PDZK1: variants seen among roughly 807,000 people sequenced by gnomAD.
PDZK1 encodes the protein PDZ domain containing 1, also known as Na(+)/H(+) exchange regulatory cofactor NHE-RF3.
Under a neutral mutation model 38.1 loss-of-function variants are expected in PDZK1, and 23 were observed. The observed-to-expected ratio is 0.60, with a 90% CI of 0.43 to 0.85. PDZK1 has a LOEUF of 0.85. Among genes scored for constraint, PDZK1 ranks in the 40% least tolerant of loss-of-function variants. The pLI, the probability that PDZK1 is intolerant of heterozygous loss-of-function variation, is 0.00. For missense variants in PDZK1, 297 were observed against 504.3 expected (o/e 0.59, Z 3.94); for synonymous variants, 98 against 186.2 (o/e 0.53, Z 3.86).
At chr1:145,689,115 G>A (rs782772504) in intron 1 of PDZK1, among the ~76,000 whole-genome samples, 2 of 152,268 alleles carry the variant, frequency 1.3e-5, no homozygotes, top group African/African-American at 4.8e-5. Context: ...CCTCCCAGAC[G>A]CTTTGTCACC....
At chr1:145,706,231 C>A (rs1191416540) in intron 1 of PDZK1, among the ~76,000 whole-genome samples, 1 of 152,198 alleles carries the variant, frequency 6.6e-6, no homozygotes, top group Non-Finnish European at 1.5e-5. Context: ...GTTCTTTCCC[C>A]TGGGGGAGAA....
At chr1:145,689,838 A>T (rs1185634652) in intron 1 of PDZK1, among the ~76,000 whole-genome samples, 3 of 152,164 alleles carry the variant, frequency 2.0e-5, no homozygotes, top group African/African-American at 7.2e-5. Context: ...TGGTGATTGA[A>T]GATAGCCATC....
intron 1 of PDZK1, among the ~76,000 whole-genome samples, chr1:145,689,963 T>A (rs1382583567): frequency 6.6e-6 from 1 of 152,070 alleles, no homozygotes; most frequent in South Asian, 2.1e-4. Context: ...ACGCCACCAG[T>A]GGCACGAGTG....
chr1:145,680,267 C>T (rs1488854684), intron 5 of PDZK1, among the ~76,000 whole-genome samples: 1 of 152,018 alleles, frequency 6.6e-6, no homozygotes, highest in Non-Finnish European at 1.5e-5. Flanking sequence ...TTTTACAAAA[C>T]ACAAACCAAA....
chr1:145,699,664 T>C (rs1453710562), intron 1 of PDZK1, among the ~76,000 whole-genome samples: 1 of 152,174 alleles, frequency 6.6e-6, no homozygotes, highest in East Asian at 1.9e-4. Context: ...AAAAGATCTT[T>C]AGAGCAGAAT....
At chr1:145,692,686 G>A (rs1319974412) in intron 1 of PDZK1, among the ~76,000 whole-genome samples, 1 of 148,144 alleles carries the variant, frequency 6.8e-6, no homozygotes, top group Non-Finnish European at 1.5e-5. Flanking sequence ...ACTCCAGCTC[G>A]ACAACAGTGA....
chr1:145,705,383 A>C (rs1656190249), intron 1 of PDZK1, among the ~76,000 whole-genome samples: 1 of 152,122 alleles, frequency 6.6e-6, no homozygotes, highest in African/African-American at 2.4e-5. Context: ...GAGCCACTGC[A>C]CCCAGCCCAA....
In PDZK1 at chr1:145,672,927, C is replaced by T. The variant is rs1553698378; in HGVS notation, c.1309G>A (p.Glu437Lys). The change falls in exon 8 of 9, where the codon GAG (glutamate) becomes AAG (lysine). Residue 437 changes from glutamate to lysine, a missense_variant. By Grantham distance (56) the Glu-to-Lys change is moderately conservative. This residue lies in a region of PDZK1 where 49 missense variants were observed against 135.6 expected (regional missense o/e 0.36). Coordinates refer to ENST00000417171, the MANE Select transcript of PDZK1 (RefSeq NM_001201325.2). Reference sequence around the variant, plus strand: ...CTCTGGATTCTATCCACCACCTTCTCATAGGGTTCATCTAGCACATTCACC... The same window carrying T: ...CTCTGGATTCTATCCACCACCTTCTTATAGGGTTCATCTAGCACATTCACC... ...NGVNVLDEPY[E>K]KVVDRIQSSG... is the part of the protein sequence containing the mutation. The T allele has an allele frequency of 6.3e-7, 1 of 1,598,572 alleles. No homozygotes were observed. Among genetic ancestry groups the T allele is most frequent in the Admixed American group, 1.7e-5 (1 of 59,764 alleles).
At chr1:145,691,254 T>C (rs1655215183) in intron 1 of PDZK1, among the ~76,000 whole-genome samples, 1 of 152,210 alleles carries the variant, frequency 6.6e-6, no homozygotes, top group African/African-American at 2.4e-5. Context: ...TTGTTTCCTT[T>C]GCCATCTTGC....
chr1:145,674,510 T>G (rs1161619257), intron 6 of PDZK1, among the ~76,000 whole-genome samples: 3 of 152,178 alleles, frequency 2.0e-5, no homozygotes, highest in African/African-American at 7.2e-5. Context: ...GGCAAAGGTG[T>G]CAGTCTGTCT....
chr1:145,692,120 G>A (rs148100037), intron 1 of PDZK1, among the ~76,000 whole-genome samples: 1 of 152,150 alleles, frequency 6.6e-6, no homozygotes, highest in African/African-American at 2.4e-5. Context: ...AGTTAGGAAG[G>A]CTTGGTAATG....
At chr1:145,681,450 AT>A (rs1315238661) in intron 4 of PDZK1, among the ~76,000 whole-genome samples, 164 of 142,304 alleles carry the variant, frequency 1.2e-3, no homozygotes, top group Admixed American at 1.5e-3. Flanking sequence ...ACCTGGCTAA[AT>A]TTTTTTTTTT....
At chr1:145,677,641 C>G (rs1234585325) in intron 6 of PDZK1, among the ~76,000 whole-genome samples, 4 of 151,670 alleles carry the variant, frequency 2.6e-5, no homozygotes, top group African/African-American at 9.7e-5. Context: ...TCAGATACCA[C>G]CTTCAGTCTT....
At chr1:145,682,861 G>A (rs1356680297) in intron 3 of PDZK1, among the ~76,000 whole-genome samples, 6 of 152,268 alleles carry the variant, frequency 3.9e-5, no homozygotes, top group East Asian at 1.9e-4. Flanking sequence ...GGCTGCCTTC[G>A]ATTGTCTTGC....
At chr1:145,672,178 G>C (rs1437335868) in intron 8 of PDZK1, among the ~76,000 whole-genome samples, 1 of 151,982 alleles carries the variant, frequency 6.6e-6, no homozygotes, top group African/African-American at 2.4e-5. Flanking sequence ...TATAGAGAAT[G>C]CTTAATCTTT....
chr1:145,688,521 A>T (rs1434405705), intron 1 of PDZK1, among the ~76,000 whole-genome samples: 1 of 152,160 alleles, frequency 6.6e-6, no homozygotes, highest in African/African-American at 2.4e-5. Flanking sequence ...GGAAGAATGC[A>T]GTGATAAGGG....
intron 6 of PDZK1, among the ~76,000 whole-genome samples, chr1:145,675,678 G>C (rs1405898303): frequency 6.6e-6 from 1 of 152,162 alleles, no homozygotes; most frequent in Non-Finnish European, 1.5e-5. Flanking sequence ...AACTGTATCT[G>C]ACAGTCGCAG....
chr1:145,690,611 T>C (rs587773424), intron 1 of PDZK1, among the ~76,000 whole-genome samples: 1 of 152,308 alleles, frequency 6.6e-6, no homozygotes, highest in Admixed American at 6.5e-5. Context: ...GAGATGAGGC[T>C]GTTTGTGATC....
Position 145,672,720 on chromosome 1 carries a change from C to T in PDZK1, c.1506+10G>A. 6.2e-7 allele frequency: 1 copy of T among 1,611,734 alleles called. No individual in the cohort carries two copies. The highest frequency in any genetic ancestry group is 1.1e-5 in the South Asian group (1 of 90,966). On this transcript the variant is annotated intron_variant, in intron 8 of 8. Coordinates refer to ENST00000417171, the MANE Select transcript of PDZK1 (RefSeq NM_001201325.2). The stretch of plus-strand genomic sequence containing the variant: ...AATTAGATCACGAAAAGAAATAGGC[C>T]CCCACTCACCCGTTCTTTTGCCATG...
Sources: allele counts gnomAD v4.1 joint callset (sites outside exome capture counted in the v4.1 genomes callset), GRCh38; gene constraint gnomAD v4.1.1; regional missense constraint gnomAD v4.1.1; transcripts MANE v1.5; gene names NCBI Gene and HGNC (gene_info 2026-07-23, HGNC 2026-07-21).